Variants in TIAM2 observed in about 807,000 individuals in gnomAD.
TIAM2 encodes rho guanine nucleotide exchange factor TIAM2.
A neutral mutation model predicts 152.9 loss-of-function variants in TIAM2; 80 were observed. That is an observed-to-expected ratio of 0.52 (90% CI 0.44 to 0.63). TIAM2 has a LOEUF of 0.63. Ranked by LOEUF, TIAM2 falls within the 30% of genes least tolerant of loss-of-function variation. The probability of loss-of-function intolerance (pLI) is 0.00; values close to 1 mark genes in which losing one functional copy is unlikely to be tolerated. For synonymous variants in TIAM2, 804 were observed against 838.0 expected (o/e 0.96, Z 0.70); for missense variants, 1,965 against 2,120.1 (o/e 0.93, Z 1.44).
chr6:155,036,148 G>A (rs1776917523), intron 1 of TIAM2, among the ~76,000 whole-genome samples: 1 of 152,146 alleles, frequency 6.6e-6, no homozygotes, highest in Admixed American at 6.6e-5. Flanking sequence ...GCAATTGTGT[G>A]TTAAAAGAAT....
At chr6:155,194,024 G>A (rs936337562) in intron 14 of TIAM2, among the ~76,000 whole-genome samples, 3 of 152,244 alleles carry the variant, frequency 2.0e-5, no homozygotes, top group African/African-American at 7.2e-5. Flanking sequence ...CACACCTGGA[G>A]AAGGGCTGTT....
At chr6:155,054,471 A>G (rs963089027) in intron 1 of TIAM2, among the ~76,000 whole-genome samples, 1 of 152,204 alleles carries the variant, frequency 6.6e-6, no homozygotes, top group African/African-American at 2.4e-5. Flanking sequence ...GGAAATTAGT[A>G]TGTGAGAAAG....
chr6:155,036,268 C>T (rs950216450), intron 1 of TIAM2, among the ~76,000 whole-genome samples: 6 of 152,060 alleles, frequency 3.9e-5, no homozygotes, highest in African/African-American at 1.2e-4. Flanking sequence ...TGTGGTGGCT[C>T]ATGCCTGTAA....
At chr6:155,029,385 TTA>T (rs1226675748) in intron 1 of TIAM2, among the ~76,000 whole-genome samples, 4 of 93,040 alleles carry the variant, frequency 4.3e-5, no homozygotes, top group East Asian at 3.6e-4. Flanking sequence ...ATATACTATG[TTA>T]TATATATACT....
chr6:155,195,071 A>C (rs1387237449), intron 14 of TIAM2, among the ~76,000 whole-genome samples: 1 of 152,166 alleles, frequency 6.6e-6, no homozygotes, highest in African/African-American at 2.4e-5. Flanking sequence ...TATTTTATCT[A>C]TTACCCAGTC....
intron 19 of TIAM2, 36 bp from the exon 20 acceptor site, chr6:155,247,964 G>A (rs761606835): frequency 1.9e-6 from 3 of 1,599,218 alleles, no homozygotes; most frequent in Non-Finnish European, 2.6e-6. Flanking sequence ...TCACCCCACT[G>A]TGCTCTTCTG....
rs1348851442 is a variant in TIAM2, at chr6:155,164,577, T to C, written c.2191T>C (p.Ser731Pro). 2 of 1,613,226 alleles carry C rather than the reference T, an allele frequency of 1.2e-6. No homozygotes were observed. The highest frequency in any genetic ancestry group is 2.7e-5 in the African/African-American group (2 of 74,894). Residue 731 changes from serine to proline, a missense_variant, in exon 8 of 27, where the codon TCT becomes CCT. Physicochemically the swap from Ser to Pro is moderately conservative, Grantham distance 74 (BLOSUM62 -1). Coordinates refer to ENST00000682666, the MANE Select transcript of TIAM2 (RefSeq NM_012454.4). ...KLALGRLGIL[S>P]VSSFHALVCS... Reference sequence around the variant, plus strand: ...GGCCCTCGGCAGGCTGGGCATCTTGTCTGTTTCCTCTTTCCATGCTCTGGT... The same window carrying C: ...GGCCCTCGGCAGGCTGGGCATCTTGCCTGTTTCCTCTTTCCATGCTCTGGT...
chr6:155,077,002 C>A (rs1379958374), intron 1 of TIAM2, among the ~76,000 whole-genome samples: 1 of 152,152 alleles, frequency 6.6e-6, no homozygotes, highest in Non-Finnish European at 1.5e-5. Context: ...GGTCGAAATT[C>A]ATATCCTTTT....
At chr6:155,209,169 A>T (rs1781661039) in intron 14 of TIAM2, among the ~76,000 whole-genome samples, 1 of 151,644 alleles carries the variant, frequency 6.6e-6, no homozygotes, top group South Asian at 2.1e-4. Flanking sequence ...GGTTGCACTC[A>T]TCTCTCTGCC....
rs757212278 is a variant in TIAM2 at position 155,244,923 on chromosome 6, C to G, written c.3543+140C>G. 419 of 1,099,708 alleles carry G rather than the reference C, an allele frequency of 3.8e-4. 1 individual carries two copies. Among genetic ancestry groups the G allele is most frequent in the Non-Finnish European group, 5.0e-4 (408 of 814,518 alleles). The allele number at this position is 1,099,708 out of a possible 1,614,324, so 68.1% of individuals were successfully genotyped here. A position where few individuals can be genotyped will look rare whatever the true frequency, so the allele number is the denominator to read the frequency against. On this transcript the variant is annotated intron_variant, in intron 18 of 26. Coordinates refer to ENST00000682666, the MANE Select transcript of TIAM2 (RefSeq NM_012454.4). The stretch of plus-strand genomic sequence containing the variant: ...TTGTCCTGTGACTATTTCCTTGCAC[C>G]GTTTTCCTCTGTCAGGTGGTAAAGG...
chr6:155,253,237 G>GT, intron 24 of TIAM2, 184 bp downstream of exon 24: 1 of 520,906 alleles, frequency 1.9e-6, no homozygotes, highest in Admixed American at 3.3e-5. Context: ...CTAAATGCTG[G>GT]TGGATAGCTT....
At chr6:155,226,661 A>G (rs1562361014) in intron 15 of TIAM2, among the ~76,000 whole-genome samples, 2 of 127,312 alleles carry the variant, frequency 1.6e-5, no homozygotes, top group African/African-American at 5.9e-5. Context: ...GTGAAACTGC[A>G]TCTCGGGTGG....
At chr6:155,120,950 G>A (rs113147506) in intron 2 of TIAM2, among the ~76,000 whole-genome samples, 3 of 152,256 alleles carry the variant, frequency 2.0e-5, no homozygotes, top group African/African-American at 4.8e-5. Flanking sequence ...ATTTCCTAAC[G>A]TGAGTTATCT....
Position 155,054,950 on chromosome 6 carries a change from A to G in TIAM2, c.-208-35339A>G, listed in dbSNP as rs1043235054. On this transcript the variant is annotated intron_variant, in intron 1 of 26. Transcript: ENST00000682666. ...GTTACTTTCTGTGGTCGACATACAT[A>G]TTGAGGAAATGATCTGTAATGTTAT... Among the ~76,000 whole-genome samples the G allele has an allele frequency of 3.9e-5, 6 of 152,264 alleles. No homozygotes were observed. In the South Asian group the frequency reaches 8.3e-4, roughly 21 times the overall value.
chr6:155,085,910 G>T (rs1161865716), intron 1 of TIAM2, among the ~76,000 whole-genome samples: 1 of 152,186 alleles, frequency 6.6e-6, no homozygotes, highest in Non-Finnish European at 1.5e-5. Context: ...TTTTATTATA[G>T]ATATAGTTTA....
intron 1 of TIAM2, among the ~76,000 whole-genome samples, chr6:155,028,929 T>C: frequency 8.7e-6 from 1 of 114,816 alleles, no homozygotes; most frequent in African/African-American, 3.6e-5. Flanking sequence ...ATACACTGTA[T>C]ATACTATATA....
In TIAM2 at chr6:155,127,353, C is replaced by T. The variant is rs562145851; in HGVS notation, c.-117-137C>T. The T allele has an allele frequency of 3.9e-4, 130 of 337,656 alleles. 2 individuals carry two copies. The highest frequency in any genetic ancestry group is 2.9e-3 in the South Asian group (123 of 42,168). 20.9% of individuals were successfully genotyped at this position (337,656 alleles called of 1,614,324 possible). On this transcript the variant is annotated intron_variant, in intron 2 of 26. Transcript: ENST00000682666. ...CCTGATGAATCACACGGTTCACAGA[C>T]GTTTCATTTATTACCTTGACAGTGA...
At chr6:155,040,437 A>T (rs955451058) in intron 1 of TIAM2, among the ~76,000 whole-genome samples, 1 of 152,268 alleles carries the variant, frequency 6.6e-6, no homozygotes, top group African/African-American at 2.4e-5. Context: ...TAACAGCCTA[A>T]CACAAGCTGA....
In TIAM2 at chr6:155,256,957, A is replaced by G. The variant is rs547211197; in HGVS notation, c.4942A>G (p.Thr1648Ala). Residue 1648 changes from threonine to alanine, a missense_variant, in exon 27 of 27, where the codon ACT (threonine) becomes GCT (alanine). Thr to Ala is a moderately conservative substitution (Grantham distance 58). This residue lies in a region of TIAM2 where 935 missense variants were observed against 980.0 expected (regional missense o/e 0.95). Transcript: ENST00000682666. ...CAACAGCACCAAGAGGGACAGAGGA[A>G]CTTTGCTCAAGGCGCAGATCCGTCA... The part of the protein sequence containing the change: ...KANSTKRDRG[T>A]LLKAQIRHQS... 3.1e-4 allele frequency: 504 copies of G among 1,614,190 alleles called. 6 individuals are homozygous for G. In the South Asian group the frequency reaches 5.3e-3, roughly 17 times the overall value.
Sources: gnomAD v4.1 joint callset for allele counts (sites outside exome capture counted in the v4.1 genomes callset) on GRCh38, gnomAD v4.1.1 for gene constraint, gnomAD v4.1.1 regional missense constraint, MANE v1.5 for transcripts, NCBI Gene and HGNC (gene_info 2026-07-23, HGNC 2026-07-21) for gene names.